HOMER1: variants seen among roughly 807,000 people sequenced by gnomAD.
HOMER1 encodes homer scaffold protein 1.
In HOMER1, 3 loss-of-function variants were observed where a neutral mutation model predicts 48.9. That is an observed-to-expected ratio of 0.06 (90% CI 0.03 to 0.16). HOMER1 has a LOEUF of 0.16. Ranked by LOEUF, HOMER1 falls within the 10% of genes least tolerant of loss-of-function variation. The pLI is 1.00. For synonymous variants in HOMER1, 134 were observed against 146.4 expected (o/e 0.92, Z 0.61); for missense variants, 247 against 411.4 (o/e 0.60, Z 3.46).
chr5:79,456,016 A>T (rs2112301468), intron 2 of HOMER1, among the ~76,000 whole-genome samples: 1 of 152,118 alleles, frequency 6.6e-6, no homozygotes, highest in South Asian at 2.1e-4. Context: ...TTATCCAGGC[A>T]TGGAGGCGCA....
intron 4 of HOMER1, among the ~76,000 whole-genome samples, chr5:79,444,738 T>G (rs1250569410): frequency 6.6e-6 from 1 of 152,234 alleles, no homozygotes; most frequent in Admixed American, 6.5e-5. Flanking sequence ...ACTCTTTTAC[T>G]GAATGTGCTG....
At chr5:79,463,309 A>G (rs985261533) in intron 1 of HOMER1, among the ~76,000 whole-genome samples, 3 of 152,238 alleles carry the variant, frequency 2.0e-5, no homozygotes, top group African/African-American at 4.8e-5. Context: ...AAAGTTTGCT[A>G]GAAACTTCTA....
intron 1 of HOMER1, among the ~76,000 whole-genome samples, chr5:79,498,314 T>C (rs1752482363): frequency 6.6e-6 from 1 of 152,202 alleles, no homozygotes; most frequent in Non-Finnish European, 1.5e-5. Context: ...CAGAATCACT[T>C]GAACCCAGGA....
rs138386572 is a variant in HOMER1, at chr5:79,445,841, G to A, written c.387+1212C>T. On this transcript the variant is annotated intron_variant, in intron 4 of 8. Transcript: ENST00000334082. ...AGGCATGAGAATCACTTGAACCTGG[G>A]AGGCAGAGGTTGCAGCGACCCGAGA... 8.1e-3 allele frequency among the ~76,000 whole-genome samples: 1,238 copies of A among 152,260 alleles called. 6 individuals are homozygous for A. Among genetic ancestry groups the A allele is most frequent in the Non-Finnish European group, 0.014 (938 of 68,010 alleles).
At chr5:79,499,230 A>G (rs1450857527) in intron 1 of HOMER1, among the ~76,000 whole-genome samples, 4 of 152,170 alleles carry the variant, frequency 2.6e-5, no homozygotes, top group Admixed American at 2.6e-4. Context: ...GAGCCTGCCT[A>G]TGTATTATGT....
chr5:79,386,539 G>T (rs557624907), intron 8 of HOMER1, among the ~76,000 whole-genome samples: 2 of 152,270 alleles, frequency 1.3e-5, no homozygotes, highest in African/African-American at 4.8e-5. Context: ...GAAGAAGTAA[G>T]TTCTAATGTT....
At chr5:79,406,616 G>A (rs1561351498) in intron 5 of HOMER1, among the ~76,000 whole-genome samples, 2 of 152,152 alleles carry the variant, frequency 1.3e-5, no homozygotes, top group South Asian at 2.1e-4. Context: ...TTCTCCACAG[G>A]ACCAAAATCT....
Position 79,512,890 on chromosome 5 carries a change from T to C in HOMER1, c.-116A>G. ...CTTTTCCACCCCCACCCCCAGATCC[T>C]TGTCCGGAGGTATTTCAAGGATGCT... is the stretch of plus-strand genomic sequence containing the variant. On this transcript the variant is annotated 5_prime_UTR_variant, in exon 1 of 9. Transcript: ENST00000334082. The C allele has an allele frequency of 1.1e-6, 1 of 910,716 alleles. No individual in the cohort carries two copies. Among genetic ancestry groups the C allele is most frequent in the Non-Finnish European group, 1.8e-6 (1 of 556,942 alleles). 56.4% of individuals were successfully genotyped at this position (910,716 alleles called of 1,614,324 possible). A position where few individuals can be genotyped will look rare whatever the true frequency, so the allele number is the denominator to read the frequency against.
At chr5:79,491,147 C>T (rs1399435425) in intron 1 of HOMER1, among the ~76,000 whole-genome samples, 1 of 110,280 alleles carries the variant, frequency 9.1e-6, no homozygotes, top group African/African-American at 3.3e-5. Context: ...TAAAGAATTA[C>T]AGGTCAGGTG....
intron 5 of HOMER1, among the ~76,000 whole-genome samples, chr5:79,433,436 T>G (rs1389037399): frequency 6.6e-6 from 1 of 152,014 alleles, no homozygotes; most frequent in East Asian, 1.9e-4. Flanking sequence ...GTCGTGGTGA[T>G]GTAAGCCTGT....
chr5:79,438,966 A>G, intron 5 of HOMER1, 44 bp downstream of exon 5: 2 of 1,563,980 alleles, frequency 1.3e-6, no homozygotes, highest in South Asian at 1.1e-5. Context: ...ACATTTCCAT[A>G]TTTACACATT....
intron 5 of HOMER1, among the ~76,000 whole-genome samples, chr5:79,431,519 T>C (rs1750424839): frequency 6.6e-6 from 1 of 151,714 alleles, no homozygotes. Context: ...TTTTTGGGGG[T>C]GGGGAGTAAC....
At chr5:79,397,483 A>G (rs1425916302) in intron 7 of HOMER1, 44 bp downstream of exon 7, 3 of 1,114,932 alleles carry the variant, frequency 2.7e-6, no homozygotes, top group Admixed American at 1.8e-5. Flanking sequence ...TACTTTGTAC[A>G]AACATGTTAG....
intron 1 of HOMER1, chr5:79,510,971 G>C (rs1392162847): frequency 1.0e-5 from 5 of 482,082 alleles, no homozygotes; most frequent in Non-Finnish European, 1.1e-5. Context: ...TGGGGCTGTG[G>C]GGCTGGGGTC....
At chr5:79,446,804 ATTTTTTTTT>A (rs35036295) in intron 4 of HOMER1, among the ~76,000 whole-genome samples, 9 of 101,710 alleles carry the variant, frequency 8.8e-5, no homozygotes, top group South Asian at 3.9e-4. Context: ...CACTTGGCTA[ATTTTTTTTT>A]TTTTTTTTTT....
intron 4 of HOMER1, among the ~76,000 whole-genome samples, chr5:79,441,831 C>G (rs1182920474): frequency 6.6e-6 from 1 of 151,994 alleles, no homozygotes; most frequent in African/African-American, 2.4e-5. Flanking sequence ...TCTGCAAAAC[C>G]TTCCAGAAAT....
At chr5:79,396,325 C>T (rs1056958449) in intron 8 of HOMER1, among the ~76,000 whole-genome samples, 1 of 151,596 alleles carries the variant, frequency 6.6e-6, no homozygotes, top group African/African-American at 2.4e-5. Context: ...ATAATGTTCC[C>T]AAATTGAATG....
chr5:79,375,803 C>A lies in HOMER1; in HGVS notation c.*206G>T. 1 of 392,328 alleles carries A rather than the reference C, an allele frequency of 2.5e-6. No individual in the cohort carries two copies. Among genetic ancestry groups the A allele is most frequent in the East Asian group, 3.7e-5 (1 of 26,742 alleles). 24.3% of individuals were successfully genotyped at this position (392,328 alleles called of 1,614,324 possible). A position where few individuals can be genotyped will look rare whatever the true frequency, so the allele number is the denominator to read the frequency against. On this transcript the variant is annotated 3_prime_UTR_variant, in exon 9 of 9. Coordinates refer to ENST00000334082, the MANE Select transcript of HOMER1 (RefSeq NM_004272.5). ...GAGGTAATTTGTAGTTCAAGTTTTT[C>A]ATCTTTTTTCCCCAACTAGCTACAA...
intron 1 of HOMER1, among the ~76,000 whole-genome samples, chr5:79,488,570 T>C (rs755205667): frequency 2.6e-5 from 4 of 152,226 alleles, no homozygotes; most frequent in Non-Finnish European, 5.9e-5. Context: ...AAGCCCAGAC[T>C]GGGCAATCTG....
Sources: allele counts gnomAD v4.1 joint callset (sites outside exome capture counted in the v4.1 genomes callset), GRCh38; gene constraint gnomAD v4.1.1; transcripts MANE v1.5; gene names NCBI Gene and HGNC (gene_info 2026-07-23, HGNC 2026-07-21).